Variants in NAALADL2 observed in about 807,000 individuals in gnomAD.
The protein encoded by NAALADL2 is N-acetylated alpha-linked acidic dipeptidase like 2, also known as inactive N-acetylated-alpha-linked acidic dipeptidase-like protein 2.
Under a neutral mutation model 87.2 loss-of-function variants are expected in NAALADL2, and 76 were observed. The observed-to-expected ratio is 0.87, with a 90% CI of 0.72 to 1.05. The LOEUF (loss-of-function observed/expected upper bound fraction) is 1.05, where lower values mean the gene tolerates loss of function less well. Among genes scored for constraint, NAALADL2 ranks in the 50% least tolerant of loss-of-function variants. The probability of loss-of-function intolerance (pLI) is 0.00; values close to 1 mark genes in which losing one functional copy is unlikely to be tolerated. For synonymous variants in NAALADL2, 354 were observed against 331.0 expected, an observed-to-expected ratio of 1.07 and a Z score of -0.75; for missense variants, 1,089 against 945.8, an observed-to-expected ratio of 1.15 and a Z score of -1.99.
chr3:175,360,468 T>C (rs1377399103), intron 5 of NAALADL2, among the ~76,000 whole-genome samples: 2 of 152,064 alleles, frequency 1.3e-5, no homozygotes, highest in African/African-American at 2.4e-5. Flanking sequence ...TTGCTTCTTT[T>C]CCTAAATCCT....
At chr3:175,013,534 T>C (rs1456175628) in intron 1 of NAALADL2, among the ~76,000 whole-genome samples, 2 of 151,582 alleles carry the variant, frequency 1.3e-5, no homozygotes, top group East Asian at 2.0e-4. Context: ...CCTGGCCTCA[T>C]GTGATTTGTC....
chr3:175,212,523 G>A (rs902507476), intron 2 of NAALADL2, among the ~76,000 whole-genome samples: 1 of 151,778 alleles, frequency 6.6e-6, no homozygotes, highest in Non-Finnish European at 1.5e-5. Flanking sequence ...CAGGAATCAG[G>A]AAAGACCATG....
intron 11 of NAALADL2, among the ~76,000 whole-genome samples, chr3:175,645,525 G>T (rs1729883809): frequency 6.6e-6 from 1 of 152,006 alleles, no homozygotes; most frequent in Middle Eastern, 3.2e-3. Context: ...TTTTCCTGGG[G>T]GGCATTTTAA....
intron 3 of NAALADL2, among the ~76,000 whole-genome samples, chr3:174,812,161 C>T (rs974490291): frequency 2.0e-5 from 3 of 151,896 alleles, no homozygotes; most frequent in Non-Finnish European, 4.4e-5. Flanking sequence ...TTAATAGCAG[C>T]GTGAGAATGG....
At chr3:174,477,834 C>T (rs1162715301) in intron 1 of NAALADL2, among the ~76,000 whole-genome samples, 2 of 152,136 alleles carry the variant, frequency 1.3e-5, no homozygotes, top group Non-Finnish European at 2.9e-5. Context: ...GAATAATTGT[C>T]CTAAGCAACT....
chr3:175,036,710 C>CT (rs550880288), intron 1 of NAALADL2, among the ~76,000 whole-genome samples: 1 of 151,338 alleles, frequency 6.6e-6, no homozygotes, highest in African/African-American at 2.4e-5. Context: ...ATAGGACACA[C>CT]TTTTTTAACT....
At chr3:174,993,459 C>T (rs1747013201) in intron 1 of NAALADL2, among the ~76,000 whole-genome samples, 1 of 151,946 alleles carries the variant, frequency 6.6e-6, no homozygotes, top group African/African-American at 2.4e-5. Context: ...AAATAACTAA[C>T]AAGTATAAAA....
chr3:175,592,561 A>T (rs140019167), intron 10 of NAALADL2, among the ~76,000 whole-genome samples: 6,618 of 152,172 alleles, frequency 0.043, 485 homozygotes, highest in African/African-American at 0.15. Flanking sequence ...ATGCAGCCAT[A>T]AAAAATGATG....
At chr3:175,670,423 AATATATTTAT>A (rs1582840988) in intron 11 of NAALADL2, among the ~76,000 whole-genome samples, 1 of 146,546 alleles carries the variant, frequency 6.8e-6, no homozygotes, top group Non-Finnish European at 1.5e-5. Flanking sequence ...ATGTAAATTT[AATATATTTAT>A]ATTAAATTTA....
At chr3:175,722,139 T>G (rs1362647743) in intron 11 of NAALADL2, among the ~76,000 whole-genome samples, 1 of 152,126 alleles carries the variant, frequency 6.6e-6, no homozygotes, top group Non-Finnish European at 1.5e-5. Flanking sequence ...ATCTATGTGA[T>G]GTTTGGCAAA....
intron 9 of NAALADL2, among the ~76,000 whole-genome samples, chr3:175,486,568 T>A (rs1013682651): frequency 2.6e-5 from 4 of 152,100 alleles, no homozygotes; most frequent in Non-Finnish European, 5.9e-5. Context: ...GTGTGTGAAC[T>A]TACACCCCCA....
intron 2 of NAALADL2, among the ~76,000 whole-genome samples, chr3:175,118,109 C>T (rs925244565): frequency 9.6e-6 from 1 of 104,644 alleles, no homozygotes; most frequent in African/African-American, 4.5e-5. Flanking sequence ...ACACTGGGGC[C>T]TGTCGTAGGG....
intron 5 of NAALADL2, among the ~76,000 whole-genome samples, chr3:175,403,944 C>T (rs1008504294): frequency 6.6e-6 from 1 of 152,048 alleles, no homozygotes; most frequent in Non-Finnish European, 1.5e-5. Context: ...CAGCTTTCTT[C>T]CAGGTCTTGG....
chr3:175,160,369 T>TTC (rs1360421038), intron 2 of NAALADL2, among the ~76,000 whole-genome samples: 1,977 of 124,526 alleles, frequency 0.016, 96 homozygotes, highest in African/African-American at 0.058. Context: ...TCTTTTTTTT[T>TTC]TTTTTTTTTT....
intron 9 of NAALADL2, among the ~76,000 whole-genome samples, chr3:175,549,783 T>TGGAGGAAAC (rs1714035244): frequency 6.6e-6 from 1 of 152,066 alleles, no homozygotes; most frequent in Admixed American, 6.6e-5. Context: ...CAGAAGTTAT[T>TGGAGGAAAC]ATTACACTAG....
intron 5 of NAALADL2, among the ~76,000 whole-genome samples, chr3:175,411,274 C>A (rs1248654084): frequency 6.6e-6 from 1 of 152,154 alleles, no homozygotes; most frequent in Non-Finnish European, 1.5e-5. Context: ...TTAAGAGGAA[C>A]TGCAGGAAGT....
chr3:175,092,302 C>T (rs546283321), intron 1 of NAALADL2, among the ~76,000 whole-genome samples: 1 of 150,498 alleles, frequency 6.6e-6, no homozygotes, highest in Admixed American at 6.6e-5. Flanking sequence ...GGATTTGAAC[C>T]AGATAGCCTC....
intron 4 of NAALADL2, among the ~76,000 whole-genome samples, chr3:175,318,546 A>C (rs1759447614): frequency 6.6e-6 from 1 of 152,234 alleles, no homozygotes; most frequent in African/African-American, 2.4e-5. Flanking sequence ...TACTGAAAGA[A>C]GATATAAAAA....
intron 2 of NAALADL2, among the ~76,000 whole-genome samples, chr3:174,688,577 C>A (rs1578552492): frequency 6.6e-6 from 1 of 151,866 alleles, no homozygotes; most frequent in African/African-American, 2.4e-5. Context: ...TGTTATTATT[C>A]TTCTCAATAA....
Sources: allele counts gnomAD v4.1 joint callset (sites outside exome capture counted in the v4.1 genomes callset), GRCh38; gene constraint gnomAD v4.1.1; transcripts MANE v1.5; gene names NCBI Gene and HGNC (gene_info 2026-07-23, HGNC 2026-07-21).